Variants in FARP1 observed in about 807,000 individuals in gnomAD.
FARP1 encodes FERM, ARH/RhoGEF and pleckstrin domain protein 1.
A neutral mutation model predicts 128.8 loss-of-function variants in FARP1; 52 were observed. The observed-to-expected ratio is 0.40, with a 90% confidence interval of 0.32 to 0.51. The LOEUF (loss-of-function observed/expected upper bound fraction) is 0.51, where lower values mean the gene tolerates loss of function less well. Among genes scored for constraint, FARP1 ranks in the 20% least tolerant of loss-of-function variants. The pLI is 0.45. For missense variants in FARP1, 1,333 were observed against 1,367.9 expected (o/e 0.97, Z 0.40); for synonymous variants, 580 against 551.8 (o/e 1.05, Z -0.72).
chr13:98,275,183 TAAACTC>T (rs1353386848), intron 2 of FARP1, among the ~76,000 whole-genome samples: 4 of 152,160 alleles, frequency 2.6e-5, no homozygotes, highest in African/African-American at 9.7e-5. Flanking sequence ...TGCCTTAACT[TAAACTC>T]TAATGTTACA....
chr13:98,192,684 C>G (rs1408378078), intron 1 of FARP1, among the ~76,000 whole-genome samples: 1 of 152,150 alleles, frequency 6.6e-6, no homozygotes, highest in African/African-American at 2.4e-5. Flanking sequence ...AGTCACTGCG[C>G]CCGGCTGACT....
chr13:98,355,436 A>G (rs2139926359), intron 3 of FARP1, among the ~76,000 whole-genome samples: 1 of 152,342 alleles, frequency 6.6e-6, no homozygotes, highest in Middle Eastern at 3.4e-3. Flanking sequence ...ATGGAAATGT[A>G]TGTACTAAGG....
At chr13:98,266,329 C>T (rs1884113696) in intron 2 of FARP1, among the ~76,000 whole-genome samples, 1 of 152,166 alleles carries the variant, frequency 6.6e-6, no homozygotes, top group African/African-American at 2.4e-5. Context: ...GGGCTTCAGT[C>T]CCAGTTCGGC....
At chr13:98,313,240 A>AACAC (rs1886564333) in intron 2 of FARP1, among the ~76,000 whole-genome samples, 1 of 65,288 alleles carries the variant, frequency 1.5e-5, no homozygotes, top group Non-Finnish European at 3.4e-5. Flanking sequence ...GGTGGGTCAT[A>AACAC]ATACACACAC....
intron 2 of FARP1, among the ~76,000 whole-genome samples, chr13:98,236,019 T>C (rs1882393897): frequency 6.6e-6 from 1 of 152,146 alleles, no homozygotes; most frequent in Non-Finnish European, 1.5e-5. Context: ...AAAAGGGGTT[T>C]CTCCATGTTT....
chr13:98,395,099 T>C (rs1206512547), intron 12 of FARP1, 128 bp from the exon 13 acceptor site: 3 of 1,117,592 alleles, frequency 2.7e-6, no homozygotes, highest in Non-Finnish European at 3.7e-6. Flanking sequence ...GCCAGAGAGC[T>C]CCGGGGCAGT....
chr13:98,217,983 G>T (rs955201220), intron 2 of FARP1, among the ~76,000 whole-genome samples: 2 of 152,152 alleles, frequency 1.3e-5, no homozygotes, highest in Non-Finnish European at 2.9e-5. Context: ...TGAAGGTGGG[G>T]CTGGGATTGG....
intron 2 of FARP1, among the ~76,000 whole-genome samples, chr13:98,278,202 G>T (rs1884757655): frequency 6.8e-6 from 1 of 146,864 alleles, no homozygotes; most frequent in African/African-American, 2.7e-5. Flanking sequence ...TGTTCTGTGT[G>T]TCTTTGTGTT....
At chr13:98,344,366 AC>A (rs769713860) in intron 3 of FARP1, among the ~76,000 whole-genome samples, 2 of 151,888 alleles carry the variant, frequency 1.3e-5, no homozygotes, top group Non-Finnish European at 2.9e-5. Context: ...TTGAATGAAT[AC>A]CCCTGTGGAG....
At chr13:98,376,298 C>T (rs1449590055) in intron 5 of FARP1, among the ~76,000 whole-genome samples, 2 of 152,150 alleles carry the variant, frequency 1.3e-5, no homozygotes, top group Non-Finnish European at 2.9e-5. Context: ...CCTCTGGTAA[C>T]TTCATTCTGC....
intron 3 of FARP1, among the ~76,000 whole-genome samples, chr13:98,348,331 C>G (rs962193548): frequency 2.6e-5 from 4 of 152,214 alleles, no homozygotes. Flanking sequence ...ATAGATTGAG[C>G]TTTCCATGGC....
chr13:98,243,731 G>A (rs1178993675), intron 2 of FARP1, among the ~76,000 whole-genome samples: 5 of 149,276 alleles, frequency 3.3e-5, no homozygotes, highest in Admixed American at 3.3e-4. Flanking sequence ...TGTATAACTT[G>A]CATTGCCCTT....
In FARP1 at chr13:98,211,256, C is replaced by T. The variant is rs570255144; in HGVS notation, c.-23-1964C>T. 5.3e-5 allele frequency among the ~76,000 whole-genome samples: 8 copies of T among 152,292 alleles called. No homozygotes were observed. The South Asian group carries it at 6.2e-4, about 12-fold the overall frequency. On this transcript the variant is annotated intron_variant, in intron 1 of 26. Coordinates refer to ENST00000319562, the MANE Select transcript of FARP1 (RefSeq NM_005766.4). ...ACTGGGCCGCACAGCAGGAGGTGAG[C>T]GGCAGGCGAGCATCACCACCTGAGC...
intron 1 of FARP1, among the ~76,000 whole-genome samples, chr13:98,165,710 G>GTTTTTTTTTTTTT (rs71111927): frequency 1.6e-4 from 12 of 74,132 alleles, no homozygotes; most frequent in African/African-American, 2.3e-4. Context: ...TCCAGAAGGG[G>GTTTTTTTTTTTTT]TTTTTTTTTT....
chr13:98,432,916 A>G, intron 18 of FARP1: 1 of 93,738 alleles, frequency 1.1e-5, no homozygotes, highest in South Asian at 3.5e-4. Flanking sequence ...CGTGAGAGAG[A>G]AGTGGACGGT....
chr13:98,447,991 G>A, intron 26 of FARP1: 1 of 550,794 alleles, frequency 1.8e-6, no homozygotes. Context: ...CTGCTCCAAT[G>A]GAGCGGGCAG....
intron 2 of FARP1, among the ~76,000 whole-genome samples, chr13:98,254,920 C>T (rs1280874868): frequency 6.6e-6 from 1 of 150,458 alleles, no homozygotes; most frequent in African/African-American, 2.5e-5. Context: ...ATATTTACTA[C>T]AAGATCCTTT....
chr13:98,446,461 C>T (rs979687594), intron 25 of FARP1: 6 of 615,596 alleles, frequency 9.7e-6, no homozygotes, highest in African/African-American at 9.2e-5. Context: ...CGGGGGTTGG[C>T]TTTATCTACA....
chr13:98,242,721 A>G (rs1754387324), intron 2 of FARP1, among the ~76,000 whole-genome samples: 1 of 152,246 alleles, frequency 6.6e-6, no homozygotes. Flanking sequence ...ATGTAAGGCT[A>G]TGGAAAAACA....
Sources: gnomAD v4.1 joint callset for allele counts (sites outside exome capture counted in the v4.1 genomes callset) on GRCh38, gnomAD v4.1.1 for gene constraint, MANE v1.5 for transcripts, NCBI Gene and HGNC (gene_info 2026-07-23, HGNC 2026-07-21) for gene names.